Variants in ASTN2 observed in about 807,000 individuals in gnomAD.
ASTN2 encodes the protein astrotactin 2, also known as astrotactin-2.
Under a neutral mutation model 139.8 loss-of-function variants are expected in ASTN2, and 54 were observed. The observed-to-expected ratio is 0.39, with a 90% CI of 0.31 to 0.48. ASTN2 has a LOEUF of 0.48. ASTN2 is among the 20% of genes least tolerant of loss of function. The pLI, the probability that ASTN2 is intolerant of heterozygous loss-of-function variation, is 0.95. For missense variants in ASTN2, 1,565 were observed against 1,725.1 expected (o/e 0.91, Z 1.64); for synonymous variants, 756 against 719.5 (o/e 1.05, Z -0.81).
At chr9:116,607,765 T>C (rs756193905) in intron 19 of ASTN2, among the ~76,000 whole-genome samples, 1 of 147,720 alleles carries the variant, frequency 6.8e-6, no homozygotes, top group Non-Finnish European at 1.5e-5. Context: ...ATCGAGACCA[T>C]CCTGGCTAAC....
intron 19 of ASTN2, among the ~76,000 whole-genome samples, chr9:116,570,390 A>G (rs1853449672): frequency 1.4e-5 from 2 of 142,214 alleles, no homozygotes; most frequent in Admixed American, 1.4e-4. Flanking sequence ...GAGGGCTTTT[A>G]GTCTCTTTTT....
chr9:117,124,348 G>C (rs544558955), intron 4 of ASTN2, among the ~76,000 whole-genome samples: 10 of 152,086 alleles, frequency 6.6e-5, no homozygotes, highest in Non-Finnish European at 1.5e-4. Flanking sequence ...GCCTTTTGAG[G>C]GTTCAAGGTC....
chr9:116,484,367 C>T (rs566208616), intron 20 of ASTN2, among the ~76,000 whole-genome samples: 3 of 152,300 alleles, frequency 2.0e-5, no homozygotes, highest in East Asian at 1.9e-4. Flanking sequence ...AAACCTGCCT[C>T]GGGGCAGGTT....
chr9:116,580,735 T>A (rs1853914776), intron 19 of ASTN2, among the ~76,000 whole-genome samples: 3 of 152,244 alleles, frequency 2.0e-5, no homozygotes, highest in Admixed American at 1.3e-4. Flanking sequence ...GGGATTTTTT[T>A]TTCTTTCCTA....
intron 1 of ASTN2, among the ~76,000 whole-genome samples, chr9:117,396,829 G>A: frequency 6.6e-6 from 1 of 152,066 alleles, no homozygotes; most frequent in East Asian, 1.9e-4. Context: ...GTCTCCCAAA[G>A]TGCTGGGATT....
chr9:117,033,755 G>T (rs1564394074), intron 6 of ASTN2, among the ~76,000 whole-genome samples: 1 of 152,022 alleles, frequency 6.6e-6, no homozygotes, highest in Admixed American at 6.6e-5. Flanking sequence ...TTCATACCAC[G>T]TCATCTATGT....
intron 10 of ASTN2, among the ~76,000 whole-genome samples, chr9:116,895,206 C>T (rs1038439488): frequency 1.3e-5 from 2 of 152,186 alleles, no homozygotes; most frequent in African/African-American, 4.8e-5. Context: ...TTATTTAATG[C>T]ACAGGATTGT....
At chr9:117,232,882 G>A (rs113779154) in intron 2 of ASTN2, among the ~76,000 whole-genome samples, 2,158 of 134,190 alleles carry the variant, frequency 0.016, 57 homozygotes, top group Non-Finnish European at 0.019. Context: ...ATGCAACTAG[G>A]TACAGATTTT....
Position 116,618,218 on chromosome 9 carries a change from A to G in ASTN2, c.3355+106T>C, listed in dbSNP as rs1029281214. The G allele has an allele frequency of 1.3e-5, 16 of 1,216,374 alleles. No homozygotes were observed. The Admixed American group carries it at 4.2e-4, about 32-fold the overall frequency. 75.3% of individuals were successfully genotyped at this position (1,216,374 alleles called of 1,614,324 possible). On this transcript the variant is annotated intron_variant, in intron 19 of 22. Coordinates refer to ENST00000313400, the MANE Select transcript of ASTN2 (RefSeq NM_001365068.1). The stretch of plus-strand genomic sequence containing the variant: ...AAATCACTAAACAATGAAATCTTCC[A>G]ATGCCTTCCCAAGACAGATGAGACC...
intron 6 of ASTN2, among the ~76,000 whole-genome samples, chr9:117,022,302 G>C (rs1837906106): frequency 6.6e-6 from 1 of 152,080 alleles, no homozygotes; most frequent in Admixed American, 6.6e-5. Context: ...AGACTCAGAG[G>C]AAATTAGTAA....
chr9:117,270,565 C>T (rs1224363399), intron 2 of ASTN2, among the ~76,000 whole-genome samples: 1 of 152,188 alleles, frequency 6.6e-6, no homozygotes, highest in African/African-American at 2.4e-5. Flanking sequence ...GCATTCCTAA[C>T]CTTTCAATTA....
intron 10 of ASTN2, among the ~76,000 whole-genome samples, chr9:116,926,370 A>T (rs1306067679): frequency 1.3e-5 from 2 of 152,116 alleles, no homozygotes; most frequent in Non-Finnish European, 2.9e-5. Context: ...TGGTGCATAG[A>T]TCTCTTTGGT....
At chr9:116,770,604 A>T (rs1829931744) in intron 13 of ASTN2, among the ~76,000 whole-genome samples, 1 of 152,116 alleles carries the variant, frequency 6.6e-6, no homozygotes, top group South Asian at 2.1e-4. Flanking sequence ...ATCAGCTGTC[A>T]TTTCCTTTCT....
Position 117,336,164 on chromosome 9 carries a change from G to A in ASTN2, c.443-44651C>T, listed in dbSNP as rs138029096. ...AAGGCCTCAGACAGGAGGTGCTGGG[G>A]AATGGTAAGAGTTTGAAGGAGGTGC... On this transcript the variant is annotated intron_variant, in intron 1 of 22. Coordinates refer to ENST00000313400, the MANE Select transcript of ASTN2 (RefSeq NM_001365068.1). Among the ~76,000 whole-genome samples the A allele has an allele frequency of 4.9e-3, 745 of 152,252 alleles. 6 individuals carry two copies. Among genetic ancestry groups the A allele is most frequent in the African/African-American group, 0.017 (707 of 41,534 alleles).
chr9:116,978,386 G>A (rs747230720), intron 7 of ASTN2, among the ~76,000 whole-genome samples: 1 of 151,916 alleles, frequency 6.6e-6, no homozygotes, highest in Non-Finnish European at 1.5e-5. Flanking sequence ...AAATTTCCAG[G>A]CTAATGATGT....
intron 22 of ASTN2, among the ~76,000 whole-genome samples, chr9:116,428,752 ACTCT>A (rs1463854963): frequency 6.6e-6 from 1 of 151,810 alleles, no homozygotes; most frequent in East Asian, 1.9e-4. Flanking sequence ...TCAGCCACTC[ACTCT>A]GTGTGATACT....
intron 4 of ASTN2, among the ~76,000 whole-genome samples, 189 bp from the exon 5 acceptor site, chr9:117,096,340 T>C (rs577374841): frequency 1.3e-5 from 2 of 152,298 alleles, no homozygotes; most frequent in Non-Finnish European, 2.9e-5. Flanking sequence ...GGTCCAAGCA[T>C]GACTCAGCAG....
At chr9:117,042,804 T>C (rs1838617882) in intron 5 of ASTN2, among the ~76,000 whole-genome samples, 2 of 152,194 alleles carry the variant, frequency 1.3e-5, no homozygotes, top group Admixed American at 1.3e-4. Flanking sequence ...CCTAATCATT[T>C]AGCAAAACCC....
rs1290857413 is a variant in ASTN2, at chr9:116,634,953, G to A, written c.3073-14510C>T. Among the ~76,000 whole-genome samples the A allele has an allele frequency of 2.7e-5, 4 of 149,982 alleles. No homozygotes were observed. In the East Asian group the frequency reaches 8.7e-4, roughly 33 times the overall value. Reference sequence around the variant, plus strand: ...GGGGGAGAAAAAGAGAGAGAAGTGGGGGAAGACTAAGAAGAAAAAAAAGGA... The same window carrying A: ...GGGGGAGAAAAAGAGAGAGAAGTGGAGGAAGACTAAGAAGAAAAAAAAGGA... On this transcript the variant is annotated intron_variant, in intron 17 of 22. Transcript: ENST00000313400.
Sources: allele counts gnomAD v4.1 joint callset (sites outside exome capture counted in the v4.1 genomes callset), GRCh38; gene constraint gnomAD v4.1.1; transcripts MANE v1.5; gene names NCBI Gene and HGNC (gene_info 2026-07-23, HGNC 2026-07-21).